The following VPS37C variants were observed in gnomAD, a reference collection of about 807,000 sequenced individuals.
The protein encoded by VPS37C is VPS37C subunit of ESCRT-I, also known as vacuolar protein sorting-associated protein 37C.
VPS37C carries 9 observed loss-of-function variants against 16.1 expected under a neutral mutation model. The observed-to-expected ratio is 0.56, with a 90% CI of 0.34 to 0.97. The LOEUF is 0.97. VPS37C is among the 50% of genes least tolerant of loss of function. The pLI is 0.02. For synonymous variants in VPS37C, 207 were observed against 206.4 expected (o/e 1.00, Z -0.02); for missense variants, 479 against 472.7 (o/e 1.01, Z -0.12).
chr11:61,160,308 G>A (rs1310640078), intron 1 of VPS37C, among the ~76,000 whole-genome samples: 1 of 152,156 alleles, frequency 6.6e-6, no homozygotes, highest in African/African-American at 2.4e-5. Context: ...ATCCCACCCG[G>A]AACTACAGAG....
intron 1 of VPS37C, among the ~76,000 whole-genome samples, chr11:61,152,585 A>G (rs1853313665): frequency 6.6e-6 from 1 of 151,982 alleles, no homozygotes; most frequent in Non-Finnish European, 1.5e-5. Flanking sequence ...ATTTGGTATT[A>G]TGTTCCAAAT....
intron 1 of VPS37C, among the ~76,000 whole-genome samples, chr11:61,150,642 C>T (rs538984727): frequency 1.2e-4 from 18 of 151,192 alleles, no homozygotes; most frequent in African/African-American, 3.9e-4. Context: ...GCAAACAGGT[C>T]GGGGGGAGCC....
At chr11:61,143,114 G>C (rs1477861244) in intron 1 of VPS37C, among the ~76,000 whole-genome samples, 1 of 151,776 alleles carries the variant, frequency 6.6e-6, no homozygotes, top group Admixed American at 6.6e-5. Context: ...GCGGCGTGCG[G>C]AACACAGTAA....
chr11:61,133,143 C>T (rs776065583), intron 4 of VPS37C, 112 bp downstream of exon 4: 8 of 1,237,422 alleles, frequency 6.5e-6, no homozygotes, highest in South Asian at 2.5e-5. Context: ...CTGCCATCTA[C>T]GAAAGCTCCC....
At chr11:61,156,284 T>C (rs1029383517) in intron 1 of VPS37C, among the ~76,000 whole-genome samples, 7 of 152,270 alleles carry the variant, frequency 4.6e-5, no homozygotes, top group South Asian at 2.1e-4. Flanking sequence ...GCTTGTGAGA[T>C]TGGATTAAAA....
intron 2 of VPS37C, among the ~76,000 whole-genome samples, chr11:61,134,726 C>A (rs1861334911): frequency 6.6e-6 from 1 of 152,204 alleles, no homozygotes; most frequent in South Asian, 2.1e-4. Context: ...CTGGACCAGA[C>A]CATGCCACTG....
In VPS37C at chr11:61,131,982, G is replaced by T. The variant is rs1339995151; in HGVS notation, c.906C>A (p.Tyr302Ter). Residue 302 changes from tyrosine to a stop codon, truncating the protein, a stop_gained, in exon 5 of 5, where the codon TAC (tyrosine) becomes TAA (stop). Coordinates refer to ENST00000301765, the MANE Select transcript of VPS37C (RefSeq NM_017966.5). LOFTEE classifies it low-confidence loss of function (END_TRUNC). The part of the protein sequence containing the change: ...PSPGYPQQSP[Y>*]PATGGKPPYP... ...AGGGAGGTTTTCCTCCTGTTGCGGG[G>T]TATGGGGACTGTTGAGGATAACCAG... 2.2e-6 allele frequency: 3 copies of T among 1,342,804 alleles called. No homozygotes were observed. The Admixed American group carries it at 1.1e-4, about 51-fold the overall frequency. The allele number at this position is 1,342,804 out of a possible 1,614,324, so 83.2% of individuals were successfully genotyped here.
intron 2 of VPS37C, among the ~76,000 whole-genome samples, chr11:61,137,167 G>T (rs1003715313): frequency 1.3e-5 from 2 of 152,030 alleles, no homozygotes; most frequent in Non-Finnish European, 2.9e-5. Context: ...CACGGAGAGA[G>T]CCCCTGCCAA....
chr11:61,133,988 C>T (rs1169463797), intron 3 of VPS37C, 48 bp downstream of exon 3: 3 of 1,567,414 alleles, frequency 1.9e-6, no homozygotes, highest in East Asian at 2.3e-5. Flanking sequence ...GGTGGGCCTC[C>T]GTCCAACCCT....
chr11:61,145,094 A>G (rs889794850), intron 1 of VPS37C: 6 of 152,230 alleles, frequency 3.9e-5, no homozygotes, highest in Admixed American at 3.3e-4. Flanking sequence ...AATTGAAACA[A>G]TAAATAAAGA....
At position 61,138,820 on chromosome 11, in the gene VPS37C, G is replaced by C. The variant is rs1285778427; in HGVS notation, c.10C>G (p.Leu4Val). 11 of 1,614,108 alleles carry C rather than the reference G, an allele frequency of 6.8e-6. No homozygotes were observed. The highest frequency in any genetic ancestry group is 1.7e-5 in the Admixed American group (1 of 60,014). The change falls in exon 2 of 5, where the codon CTG becomes GTG. Residue 4 changes from leucine to valine, a missense_variant. Coordinates refer to ENST00000301765, the MANE Select transcript of VPS37C (RefSeq NM_017966.5). ...AGCTCCTGCAGGGTCTTATCCTTCAGCGTCTCCATCCTTCCCTGTGAACAC... is the reference window on the plus strand; with the variant it reads ...AGCTCCTGCAGGGTCTTATCCTTCACCGTCTCCATCCTTCCCTGTGAACAC... MET[L>V]KDKTLQELEE...
At chr11:61,146,548 C>T (rs967185590) in intron 1 of VPS37C, among the ~76,000 whole-genome samples, 5 of 152,094 alleles carry the variant, frequency 3.3e-5, no homozygotes, top group African/African-American at 9.7e-5. Flanking sequence ...ACAGCCCAGG[C>T]GGGAGCCACT....
At chr11:61,152,380 T>A (rs1307356363) in intron 1 of VPS37C, among the ~76,000 whole-genome samples, 1 of 152,034 alleles carries the variant, frequency 6.6e-6, no homozygotes, top group African/African-American at 2.4e-5. Flanking sequence ...CAGGCAGGAA[T>A]CCACGAAGGC....
chr11:61,149,688 T>C (rs991647052), intron 1 of VPS37C, among the ~76,000 whole-genome samples: 2 of 152,120 alleles, frequency 1.3e-5, no homozygotes, highest in Non-Finnish European at 2.9e-5. Flanking sequence ...TCCTCAAACA[T>C]AAGCATACAT....
At chr11:61,155,722 T>C (rs907884156) in intron 1 of VPS37C, among the ~76,000 whole-genome samples, 18 of 151,732 alleles carry the variant, frequency 1.2e-4, no homozygotes, top group Non-Finnish European at 5.9e-5. Context: ...CCACAAGAAA[T>C]GTTAAAAGGA....
chr11:61,132,197 C>T lies in VPS37C; in HGVS notation c.691G>A (p.Val231Met), dbSNP rs1861278155. 2.7e-6 allele frequency: 4 copies of T among 1,500,252 alleles called. No homozygotes were observed. The South Asian group carries it at 5.5e-5, about 21-fold the overall frequency. 92.9% of individuals were successfully genotyped at this position (1,500,252 alleles called of 1,614,324 possible). A position where few individuals can be genotyped will look rare whatever the true frequency, so the allele number is the denominator to read the frequency against. The change falls in exon 5 of 5, where the codon GTG (valine) becomes ATG (methionine). Residue 231 changes from valine (V) to methionine (M), a missense_variant. Coordinates refer to ENST00000301765, the MANE Select transcript of VPS37C (RefSeq NM_017966.5). ...CCGCTGTAGAAGGAGGGCTGGGACACTACTGGGAAAGGGGCCGGTGGCAGG... is the reference window on the plus strand; with the variant it reads ...CCGCTGTAGAAGGAGGGCTGGGACATTACTGGGAAAGGGGCCGGTGGCAGG... ...GALPPAPFPV[V>M]SQPSFYSGPL... is the part of the protein sequence containing the mutation.
intron 1 of VPS37C, among the ~76,000 whole-genome samples, chr11:61,142,971 T>G (rs1048646304): frequency 6.3e-5 from 1 of 15,818 alleles, no homozygotes; most frequent in Non-Finnish European, 1.4e-4. Flanking sequence ...AAAAAAAGAA[T>G]AGCTAAAAAA....
rs1422425720 is a variant in VPS37C at position 61,131,846 on chromosome 11, G to A, written c.1042C>T (p.Pro348Ser). 4 of 1,261,936 alleles carry A rather than the reference G, an allele frequency of 3.2e-6. No individual in the cohort carries two copies. Among genetic ancestry groups the A allele is most frequent in the Admixed American group, 4.0e-5 (1 of 24,974 alleles). The allele number at this position is 1,261,936 out of a possible 1,614,324, so 78.2% of individuals were successfully genotyped here. The change falls in exon 5 of 5, where the codon CCG (proline) becomes TCG (serine). Residue 348 changes from proline to serine, a missense_variant. Coordinates refer to ENST00000301765, the MANE Select transcript of VPS37C (RefSeq NM_017966.5). ...PAPPYGFPPP[P>S]GPAWPGY ...TAATACCCAGGCCAGGCAGGCCCCG[G>A]CGGTGGTGGGAACCCATAGGGAGGG...
Position 61,138,740 on chromosome 11 carries a change from A to C in VPS37C, c.90T>G (p.Pro30=). 6.2e-7 allele frequency: 1 copy of C among 1,613,974 alleles called. No homozygotes were observed. Among genetic ancestry groups the C allele is most frequent in the Non-Finnish European group, 8.5e-7 (1 of 1,179,968 alleles). Residue 30 remains proline, a synonymous_variant, in exon 2 of 5, where the codon CCT becomes CCG. Coordinates refer to ENST00000301765, the MANE Select transcript of VPS37C (RefSeq NM_017966.5). The stretch of plus-strand genomic sequence containing the variant: ...TCCCATACCAGCCTCCCTCTACCTC[A>C]GGGGACTCCAGGGCCAGCTGGTCAA... ...EAIDQLALES[P]EVQDLQLERE...
Sources: gnomAD v4.1 joint callset for allele counts (sites outside exome capture counted in the v4.1 genomes callset) on GRCh38, gnomAD v4.1.1 for gene constraint, MANE v1.5 for transcripts, NCBI Gene and HGNC (gene_info 2026-07-23, HGNC 2026-07-21) for gene names.